The following ARHGEF9 variants were observed in gnomAD, a reference collection of about 807,000 sequenced individuals.
ARHGEF9 encodes rho guanine nucleotide exchange factor 9.
In ARHGEF9, 2 loss-of-function variants were observed where a neutral mutation model predicts 41.3. That is an observed-to-expected ratio of 0.05 (90% CI 0.02 to 0.15). The LOEUF (loss-of-function observed/expected upper bound fraction) is 0.15. ARHGEF9 is among the 10% of genes least tolerant of loss of function. The pLI is 1.00. For missense variants in ARHGEF9, 225 were observed against 424.7 expected, an observed-to-expected ratio of 0.53 and a Z score of 4.13; for synonymous variants, 160 against 154.4, an observed-to-expected ratio of 1.04 and a Z score of -0.27.
chrX:63,750,636 CCAAGAT>C (rs1424596086), intron 1 of ARHGEF9, among the ~76,000 whole-genome samples: 1 of 111,327 alleles, frequency 9.0e-6, no homozygotes, highest in Non-Finnish European at 1.9e-5. Flanking sequence ...TTTGTTCCCA[CCAAGAT>C]ATCACTTCAC....
At chrX:63,701,184 C>T (rs1556395168) in intron 3 of ARHGEF9, among the ~76,000 whole-genome samples, 7 of 110,776 alleles carry the variant, frequency 6.3e-5, no homozygotes, top group Non-Finnish European at 1.3e-4. Context: ...CTAGAAACTA[C>T]CAGAAAATAG....
chrX:63,656,036 C>T (rs1219471841), intron 7 of ARHGEF9, among the ~76,000 whole-genome samples: 10 of 111,879 alleles, frequency 8.9e-5, no homozygotes, highest in Admixed American at 7.6e-4. Context: ...CACATAAACA[C>T]GGCTAGCAAG....
intron 2 of ARHGEF9, among the ~76,000 whole-genome samples, chrX:63,714,603 G>A (rs2053170825): frequency 8.9e-6 from 1 of 112,050 alleles, no homozygotes; most frequent in South Asian, 3.8e-4. Flanking sequence ...GCAACTTTAA[G>A]TTTTCTGATC....
chrX:63,760,608 G>A (rs1228014861), intron 1 of ARHGEF9, among the ~76,000 whole-genome samples: 3 of 110,858 alleles, frequency 2.7e-5, no homozygotes, highest in Admixed American at 9.6e-5. Context: ...TGATGATTAC[G>A]AACAAATAAA....
intron 1 of ARHGEF9, among the ~76,000 whole-genome samples, chrX:63,727,957 T>G (rs2054067869): frequency 8.9e-6 from 1 of 111,944 alleles, no homozygotes. Context: ...TAAACTATTC[T>G]GCCTCTGGGT....
At chrX:63,769,479 G>T (rs1556453370) in intron 1 of ARHGEF9, among the ~76,000 whole-genome samples, 2 of 112,110 alleles carry the variant, frequency 1.8e-5, no homozygotes, top group African/African-American at 6.5e-5. Flanking sequence ...ACTGAAGCAG[G>T]CTGCAGAAAT....
Position 63,775,407 on chromosome X carries a change from C to T in ARHGEF9, c.30+9709G>A, listed in dbSNP as rs139523238. ...TTCGTCACAGCACTATTCACAATAG[C>T]GAAGACATAAAATCAACCTAGATGC... is the stretch of plus-strand genomic sequence containing the variant. On this transcript the variant is annotated intron_variant, in intron 1 of 9. Transcript: ENST00000671741. Among the ~76,000 whole-genome samples the T allele has an allele frequency of 0.023, 2,534 of 112,020 alleles. 155 individuals carry two copies. In the East Asian group the frequency reaches 0.27, roughly 12 times the overall value.
At chrX:63,712,476 C>T (rs1367048174) in intron 2 of ARHGEF9, among the ~76,000 whole-genome samples, 2 of 111,480 alleles carry the variant, frequency 1.8e-5, no homozygotes, top group Non-Finnish European at 3.8e-5. Flanking sequence ...TTTAAATGTT[C>T]TCACTACAAA....
chrX:63,651,837 A>G (rs1364267494), intron 8 of ARHGEF9, among the ~76,000 whole-genome samples: 6 of 110,437 alleles, frequency 5.4e-5, no homozygotes, highest in African/African-American at 2.0e-4. Flanking sequence ...TTCCAAATTT[A>G]TGTTAAAAGA....
intron 1 of ARHGEF9, chrX:63,766,838 C>G (rs2147808639): frequency 3.4e-6 from 1 of 298,350 alleles, no homozygotes; most frequent in South Asian, 3.9e-5. Context: ...ATCACCAACC[C>G]TAGTCCCCCA....
At chrX:63,660,623 T>C (rs2147242481) in intron 7 of ARHGEF9, among the ~76,000 whole-genome samples, 1 of 112,326 alleles carries the variant, frequency 8.9e-6, no homozygotes, top group African/African-American at 3.2e-5. Flanking sequence ...GTTCAGGCTG[T>C]CCAGCTCTAA....
chrX:63,675,818 G>A (rs1397455030), intron 5 of ARHGEF9, among the ~76,000 whole-genome samples: 1 of 111,172 alleles, frequency 9.0e-6, no homozygotes, highest in East Asian at 2.8e-4. Flanking sequence ...ATGGCTCTTG[G>A]GAAAGGCAGA....
intron 2 of ARHGEF9, among the ~76,000 whole-genome samples, chrX:63,715,457 A>AG (rs1226299054): frequency 9.0e-6 from 1 of 111,467 alleles, no homozygotes; most frequent in Non-Finnish European, 1.9e-5. Context: ...AAAAAAAAAA[A>AG]CACTTCAGGA....
intron 2 of ARHGEF9, among the ~76,000 whole-genome samples, chrX:63,712,371 A>G (rs1319649732): frequency 9.8e-5 from 11 of 112,108 alleles, no homozygotes; most frequent in African/African-American, 3.6e-4. Context: ...GAAACAACCC[A>G]AATGTTCATT....
At chrX:63,694,526 G>A (rs2051604285) in intron 4 of ARHGEF9, among the ~76,000 whole-genome samples, 1 of 112,561 alleles carries the variant, frequency 8.9e-6, no homozygotes, top group South Asian at 3.7e-4. Context: ...AATAAAAAAG[G>A]ATAAACGAAA....
chrX:63,688,093 G>A (rs1393102492), intron 4 of ARHGEF9, among the ~76,000 whole-genome samples: 2 of 111,434 alleles, frequency 1.8e-5, no homozygotes, highest in Admixed American at 1.9e-4. Context: ...AGACAAAGAG[G>A]GAAATCTTAA....
At chrX:63,684,719 T>C (rs1463957876) in intron 4 of ARHGEF9, among the ~76,000 whole-genome samples, 2 of 109,768 alleles carry the variant, frequency 1.8e-5, no homozygotes, top group Non-Finnish European at 3.8e-5. Flanking sequence ...TACCTCTATT[T>C]TTAATTTATT....
intron 2 of ARHGEF9, among the ~76,000 whole-genome samples, chrX:63,713,331 A>G (rs2147551437): frequency 9.1e-6 from 1 of 110,381 alleles, no homozygotes; most frequent in South Asian, 3.9e-4. Context: ...CTCCCCAATC[A>G]ATACATAAAC....
chrX:63,694,047 A>G lies in ARHGEF9; in HGVS notation c.582+3078T>C, dbSNP rs1293029248. ...AAAAGACAAAAATTAGCTGGGTGTA[A>G]TGGCACATGCCTGTAATCCCAGCTA... On this transcript the variant is annotated intron_variant, in intron 4 of 9. Transcript: ENST00000671741. 2.7e-5 allele frequency among the ~76,000 whole-genome samples: 3 copies of G among 109,772 alleles called. No homozygotes were observed. The East Asian group carries it at 8.7e-4, about 32-fold the overall frequency.
Sources: gnomAD v4.1 joint callset for allele counts (sites outside exome capture counted in the v4.1 genomes callset) on GRCh38, gnomAD v4.1.1 for gene constraint, MANE v1.5 for transcripts, NCBI Gene and HGNC (gene_info 2026-07-23, HGNC 2026-07-21) for gene names.